Variants in NELL2 observed in about 807,000 individuals in gnomAD.
NELL2 encodes the protein neural EGFL like 2, also known as protein kinase C-binding protein NELL2.
Under a neutral mutation model 109.6 loss-of-function variants are expected in NELL2, and 41 were observed. The ratio of observed to expected loss-of-function variants is 0.37; its 90% CI spans 0.29 to 0.49. NELL2 has a LOEUF of 0.49. NELL2 is among the 20% of genes least tolerant of loss of function. The pLI is 0.98. For synonymous variants in NELL2, 355 were observed against 344.7 expected (o/e 1.03, Z -0.33); for missense variants, 900 against 1,008.3 (o/e 0.89, Z 1.45).
intron 16 of NELL2, among the ~76,000 whole-genome samples, chr12:44,529,540 A>G (rs1035070363): frequency 6.6e-6 from 1 of 152,082 alleles, no homozygotes; most frequent in Non-Finnish European, 1.5e-5. Context: ...TTGAGAATGG[A>G]TAGAAAAGAC....
At chr12:44,721,133 C>A (rs571869475) in intron 9 of NELL2, among the ~76,000 whole-genome samples, 1 of 152,184 alleles carries the variant, frequency 6.6e-6, no homozygotes, top group Non-Finnish European at 1.5e-5. Context: ...AAAGCACACG[C>A]TATTGCTGTA....
chr12:44,600,390 G>A (rs1945174205), intron 15 of NELL2, among the ~76,000 whole-genome samples: 1 of 151,640 alleles, frequency 6.6e-6, no homozygotes, highest in African/African-American at 2.4e-5. Context: ...CCTTCAAGAA[G>A]AAAGAAATGA....
At chr12:44,799,542 C>T (rs912274273) in intron 3 of NELL2, among the ~76,000 whole-genome samples, 2 of 152,084 alleles carry the variant, frequency 1.3e-5, no homozygotes, top group African/African-American at 4.8e-5. Context: ...TCCTTCTTTC[C>T]AAAACTCTTC....
At chr12:44,583,807 C>G (rs190582672) in intron 15 of NELL2, among the ~76,000 whole-genome samples, 2 of 152,190 alleles carry the variant, frequency 1.3e-5, no homozygotes, top group Admixed American at 1.3e-4. Flanking sequence ...GGGTCTGGCT[C>G]TATTGCCCAG....
chr12:44,802,765 A>G lies in NELL2; in HGVS notation c.335+13221T>C, dbSNP rs1942873970. Among the ~76,000 whole-genome samples, 3 of 152,254 alleles carry G rather than the reference A, an allele frequency of 2.0e-5. No individual in the cohort carries two copies. The South Asian group carries it at 6.2e-4, about 32-fold the overall frequency. On this transcript the variant is annotated intron_variant, in intron 3 of 19. Transcript: ENST00000429094. The stretch of plus-strand genomic sequence containing the variant: ...ATATTCTCAAGTTGTTGATACTACC[A>G]GAATATGAATAAGAGTAAGAGTAAA...
intron 15 of NELL2, among the ~76,000 whole-genome samples, chr12:44,586,702 G>A (rs538196511): frequency 4.6e-5 from 7 of 152,264 alleles, no homozygotes; most frequent in African/African-American, 1.7e-4. Context: ...TACAATAATA[G>A]ATGTATTGCA....
chr12:44,619,918 G>A (rs1210088825), intron 13 of NELL2, among the ~76,000 whole-genome samples: 8 of 152,008 alleles, frequency 5.3e-5, no homozygotes, highest in East Asian at 1.9e-4. Context: ...AAAGTATAAC[G>A]GAGAAAATGA....
In NELL2 at chr12:44,707,648, T is replaced by C. The variant is rs139200897; in HGVS notation, c.1189+3644A>G. On this transcript the variant is annotated intron_variant, in intron 11 of 19. Coordinates refer to ENST00000429094, the MANE Select transcript of NELL2 (RefSeq NM_001145108.2). ...CTAAAGTGTAACTCATGTACGTGGA[T>C]GAACATAAAAAAATACTAATACCAA... is the stretch of plus-strand genomic sequence containing the variant. Among the ~76,000 whole-genome samples, 8 of 152,240 alleles carry C rather than the reference T, an allele frequency of 5.3e-5. No homozygotes were observed. The East Asian group carries it at 1.4e-3, about 26-fold the overall frequency.
intron 3 of NELL2, among the ~76,000 whole-genome samples, chr12:44,796,115 C>A (rs1592552120): frequency 6.6e-6 from 1 of 152,170 alleles, no homozygotes; most frequent in East Asian, 1.9e-4. Context: ...TTGTAAATTT[C>A]TGATTATTTT....
chr12:44,772,918 A>G (rs890764093), intron 9 of NELL2, among the ~76,000 whole-genome samples: 4 of 152,170 alleles, frequency 2.6e-5, no homozygotes, highest in African/African-American at 9.7e-5. Context: ...TCATTAATGA[A>G]TCTCAAAACA....
At chr12:44,685,391 A>T (rs925409715) in intron 12 of NELL2, among the ~76,000 whole-genome samples, 2 of 152,026 alleles carry the variant, frequency 1.3e-5, no homozygotes, top group Admixed American at 1.3e-4. Flanking sequence ...GTGTCTTTTA[A>T]TTGCAGCATT....
intron 12 of NELL2, among the ~76,000 whole-genome samples, chr12:44,688,461 T>C (rs1948797942): frequency 6.6e-6 from 1 of 152,300 alleles, no homozygotes; most frequent in East Asian, 1.9e-4. Context: ...CTGGAAGACA[T>C]TTTCACATTT....
At chr12:44,858,189 A>G (rs1329599240) in intron 2 of NELL2, among the ~76,000 whole-genome samples, 1 of 152,226 alleles carries the variant, frequency 6.6e-6, no homozygotes, top group Non-Finnish European at 1.5e-5. Context: ...AATAAGTAAC[A>G]AGATCAAGTT....
Position 44,623,470 on chromosome 12 carries a change from C to T in NELL2, c.1445-12500G>A, listed in dbSNP as rs529776140. On this transcript the variant is annotated intron_variant, in intron 13 of 19. Transcript: ENST00000429094. ...TTTTGATAATGTGGTTAGAGTGCCT[C>T]TTCTTTTATATCATATTTTTTTAAA... 5.3e-5 allele frequency among the ~76,000 whole-genome samples: 8 copies of T among 152,022 alleles called. No homozygotes were observed. In the South Asian group the frequency reaches 1.5e-3, roughly 28 times the overall value.
upstream of NELL2, chr12:44,876,373 C>A: frequency 8.2e-7 from 1 of 1,226,962 alleles, no homozygotes; most frequent in African/African-American, 1.6e-5. Context: ...GAGGGGCGGG[C>A]CGGGGGAGGC....
intron 12 of NELL2, among the ~76,000 whole-genome samples, chr12:44,694,524 C>CACACACAA (rs1461484445): frequency 1.3e-5 from 2 of 150,378 alleles, no homozygotes; most frequent in Non-Finnish European, 3.0e-5. Flanking sequence ...CATACAAACA[C>CACACACAA]ACACACACAC....
intron 13 of NELL2, among the ~76,000 whole-genome samples, chr12:44,614,282 T>C (rs1429016037): frequency 1.2e-4 from 19 of 152,008 alleles, no homozygotes; most frequent in Admixed American, 1.2e-3. Flanking sequence ...AATTTAATTA[T>C]TCGTTGTGTC....
At chr12:44,729,779 C>A (rs1022116502) in intron 9 of NELL2, among the ~76,000 whole-genome samples, 1 of 151,602 alleles carries the variant, frequency 6.6e-6, no homozygotes, top group African/African-American at 2.4e-5. Context: ...CCACACCAGG[C>A]CTTTTTGTTT....
At chr12:44,902,020 C>T (rs1192986270) in intron 1 of NELL2, among the ~76,000 whole-genome samples, 3 of 152,134 alleles carry the variant, frequency 2.0e-5, no homozygotes, top group Non-Finnish European at 4.4e-5. Flanking sequence ...CTCATCACTC[C>T]TATTCAACAT....
Sources: allele counts gnomAD v4.1 joint callset (sites outside exome capture counted in the v4.1 genomes callset), GRCh38; gene constraint gnomAD v4.1.1; transcripts MANE v1.5; gene names NCBI Gene and HGNC (gene_info 2026-07-23, HGNC 2026-07-21).